DGKB: variants seen among roughly 807,000 people sequenced by gnomAD.
DGKB encodes diacylglycerol kinase beta.
DGKB carries 67 observed loss-of-function variants against 114.3 expected under a neutral mutation model. The ratio of observed to expected loss-of-function variants is 0.59; its 90% CI spans 0.48 to 0.72. DGKB has a LOEUF of 0.72. Among genes scored for constraint, DGKB ranks in the 30% least tolerant of loss-of-function variants. The pLI, the probability that DGKB is intolerant of heterozygous loss-of-function variation, is 0.00. For synonymous variants in DGKB, 398 were observed against 323.1 expected (o/e 1.23, Z -2.49); for missense variants, 907 against 975.2 (o/e 0.93, Z 0.93).
At chr7:14,756,637 A>G (rs1055407548) in intron 3 of DGKB, among the ~76,000 whole-genome samples, 2 of 152,060 alleles carry the variant, frequency 1.3e-5, no homozygotes, top group African/African-American at 2.4e-5. Context: ...GGAAATTTCA[A>G]AACAATTTGA....
At chr7:14,872,896 A>G (rs1852691476) in intron 1 of DGKB, among the ~76,000 whole-genome samples, 1 of 151,606 alleles carries the variant, frequency 6.6e-6, no homozygotes, top group Non-Finnish European at 1.5e-5. Context: ...TAAAAATCAG[A>G]GCCAATACAA....
At chr7:14,323,523 T>C (rs1393693832) in intron 23 of DGKB, among the ~76,000 whole-genome samples, 1 of 152,138 alleles carries the variant, frequency 6.6e-6, no homozygotes, top group Non-Finnish European at 1.5e-5. Flanking sequence ...AGAGAAAGCT[T>C]CTCTTAAGAG....
At chr7:14,326,240 G>T (rs1808699752) in intron 23 of DGKB, among the ~76,000 whole-genome samples, 1 of 152,112 alleles carries the variant, frequency 6.6e-6, no homozygotes, top group Non-Finnish European at 1.5e-5. Context: ...AGCAGCCTGG[G>T]TAAGTTGAGA....
chr7:14,488,852 C>CAAACA (rs1554469781), intron 20 of DGKB, among the ~76,000 whole-genome samples: 7,216 of 122,698 alleles, frequency 0.059, 558 homozygotes, highest in African/African-American at 0.2. Context: ...CAAAAAAAAA[C>CAAACA]AAAAAAAACC....
chr7:14,513,158 C>T (rs528429671), intron 20 of DGKB, among the ~76,000 whole-genome samples: 11 of 152,162 alleles, frequency 7.2e-5, no homozygotes, highest in Non-Finnish European at 1.5e-4. Flanking sequence ...CTATTAATAA[C>T]AGCCTTTTAA....
chr7:14,743,369 G>T (rs1002830545), intron 4 of DGKB, among the ~76,000 whole-genome samples: 2 of 152,104 alleles, frequency 1.3e-5, no homozygotes, highest in African/African-American at 2.4e-5. Context: ...ATGAGTAAAG[G>T]TTTTCCCTAT....
At chr7:14,357,951 A>C (rs757052015) in intron 21 of DGKB, among the ~76,000 whole-genome samples, 3 of 152,168 alleles carry the variant, frequency 2.0e-5, no homozygotes, top group Non-Finnish European at 2.9e-5. Context: ...GAGTTTCTGC[A>C]GAGAGATCTG....
At chr7:14,300,739 C>T (rs975054051) in intron 23 of DGKB, among the ~76,000 whole-genome samples, 5 of 151,980 alleles carry the variant, frequency 3.3e-5, no homozygotes, top group Non-Finnish European at 7.4e-5. Context: ...ACAAGTGTAT[C>T]GTTCACAAAA....
At chr7:14,309,315 A>T (rs1000878676) in intron 23 of DGKB, among the ~76,000 whole-genome samples, 1 of 152,224 alleles carries the variant, frequency 6.6e-6, no homozygotes, top group Non-Finnish European at 1.5e-5. Flanking sequence ...TAGATCTCCA[A>T]TACATTTATG....
chr7:14,370,709 G>A (rs1024713172), intron 21 of DGKB, among the ~76,000 whole-genome samples: 1 of 152,060 alleles, frequency 6.6e-6, no homozygotes, highest in African/African-American at 2.4e-5. Context: ...GCACGTGGAT[G>A]TCTGTTACAT....
intron 23 of DGKB, among the ~76,000 whole-genome samples, chr7:14,235,887 C>G (rs1180446783): frequency 6.6e-6 from 1 of 152,010 alleles, no homozygotes; most frequent in Non-Finnish European, 1.5e-5. Flanking sequence ...TAATGGACCA[C>G]CTTTCTGGTA....
chr7:14,663,095 A>C (rs1408936779), intron 13 of DGKB, among the ~76,000 whole-genome samples: 3 of 152,152 alleles, frequency 2.0e-5, no homozygotes, highest in Middle Eastern at 3.4e-3. Context: ...TTCATATCAC[A>C]AAACTAGTGA....
intron 17 of DGKB, among the ~76,000 whole-genome samples, chr7:14,584,441 C>T (rs1403240509): frequency 6.6e-6 from 1 of 152,090 alleles, no homozygotes; most frequent in Non-Finnish European, 1.5e-5. Flanking sequence ...GGATTCATTT[C>T]CTTGCAACCA....
chr7:14,904,849 G>A (rs1468997918), upstream of DGKB, among the ~76,000 whole-genome samples: 1 of 152,144 alleles, frequency 6.6e-6, no homozygotes, highest in East Asian at 1.9e-4. Flanking sequence ...TGTGTACACT[G>A]CAGTGTAAGG....
At chr7:14,613,553 G>C (rs1225047132) in intron 15 of DGKB, 140 bp from the exon 16 acceptor site, 1 of 569,828 alleles carries the variant, frequency 1.8e-6, no homozygotes, top group African/African-American at 1.9e-5. Flanking sequence ...GTGCATGTGT[G>C]TGTGAGTGTG....
chr7:14,724,522 G>C (rs1829729872), intron 5 of DGKB, among the ~76,000 whole-genome samples: 2 of 151,940 alleles, frequency 1.3e-5, no homozygotes, highest in African/African-American at 2.4e-5. Context: ...ACATACTCTG[G>C]TTTTCATCTG....
chr7:14,584,650 T>C (rs1303228183), intron 17 of DGKB, among the ~76,000 whole-genome samples: 1 of 152,024 alleles, frequency 6.6e-6, no homozygotes, highest in East Asian at 1.9e-4. Context: ...AATTGCCTTT[T>C]TATTTTTTAT....
chr7:14,950,095 AG>A, intron 1 of DGKB, among the ~76,000 whole-genome samples: 1 of 146,612 alleles, frequency 6.8e-6, no homozygotes, highest in East Asian at 2.5e-4. Context: ...AGAACTTAAA[AG>A]TATAATAATA....
chr7:14,479,528 C>G (rs1782682035), intron 20 of DGKB, among the ~76,000 whole-genome samples: 6 of 152,116 alleles, frequency 3.9e-5, no homozygotes, highest in Admixed American at 3.3e-4. Context: ...AAATCCCCCT[C>G]TACGGTTTAA....
Sources: allele counts gnomAD v4.1 joint callset (sites outside exome capture counted in the v4.1 genomes callset), GRCh38; gene constraint gnomAD v4.1.1; transcripts MANE v1.5; gene names NCBI Gene and HGNC (gene_info 2026-07-23, HGNC 2026-07-21).